Variants in CNTN4 observed in about 807,000 individuals in gnomAD.
CNTN4 encodes the protein contactin 4, also known as contactin-4.
A neutral mutation model predicts 122.5 loss-of-function variants in CNTN4; 77 were observed. The ratio of observed to expected loss-of-function variants is 0.63; its 90% CI spans 0.52 to 0.76. CNTN4 has a LOEUF of 0.76. Among genes scored for constraint, CNTN4 ranks in the 30% least tolerant of loss-of-function variants. The pLI, the probability that CNTN4 is intolerant of heterozygous loss-of-function variation, is 0.00. For synonymous variants in CNTN4, 512 were observed against 447.0 expected (o/e 1.15, Z -1.83); for missense variants, 1,256 against 1,259.1 (o/e 1.00, Z 0.04).
chr3:2,434,585 C>A (rs554426581), intron 3 of CNTN4, among the ~76,000 whole-genome samples: 1 of 152,122 alleles, frequency 6.6e-6, no homozygotes, highest in Non-Finnish European at 1.5e-5. Context: ...TTGTAATTTC[C>A]GGGGCTGGCA....
chr3:2,776,487 A>T (rs1455899724), intron 6 of CNTN4, among the ~76,000 whole-genome samples: 1 of 152,142 alleles, frequency 6.6e-6, no homozygotes, highest in Admixed American at 6.5e-5. Flanking sequence ...GAAAGTCAGT[A>T]ATTAAGAGGT....
chr3:2,813,889 T>A (rs2092670719), intron 6 of CNTN4, among the ~76,000 whole-genome samples: 1 of 152,194 alleles, frequency 6.6e-6, no homozygotes. Context: ...ATATTAAGAC[T>A]TTTTATTATT....
chr3:2,804,478 G>A (rs2092418638), intron 6 of CNTN4, among the ~76,000 whole-genome samples: 1 of 151,968 alleles, frequency 6.6e-6, no homozygotes, highest in African/African-American at 2.4e-5. Context: ...CCCACTTTAG[G>A]GATTGTTCAG....
intron 2 of CNTN4, among the ~76,000 whole-genome samples, chr3:2,298,200 TA>T (rs1359349050): frequency 2.0e-5 from 3 of 152,220 alleles, no homozygotes; most frequent in African/African-American, 7.2e-5. Flanking sequence ...ATTTTATGTT[TA>T]AAAATAATTA....
chr3:3,032,151 G>GA (rs1479336391), intron 16 of CNTN4, among the ~76,000 whole-genome samples: 9 of 152,130 alleles, frequency 5.9e-5, no homozygotes, highest in African/African-American at 1.9e-4. Flanking sequence ...CTGGAAATGA[G>GA]AAAAAACTTT....
chr3:2,889,240 G>A (rs6791159), intron 10 of CNTN4, among the ~76,000 whole-genome samples: 4 of 152,180 alleles, frequency 2.6e-5, no homozygotes, highest in Admixed American at 2.0e-4. Flanking sequence ...GCTTCTGAGG[G>A]GAGAGAACAC....
At chr3:2,255,497 A>G (rs183550520) in intron 2 of CNTN4, among the ~76,000 whole-genome samples, 2 of 152,264 alleles carry the variant, frequency 1.3e-5, no homozygotes, top group Admixed American at 1.3e-4. Context: ...TCTCAGCACC[A>G]CATCGCACTT....
intron 12 of CNTN4, among the ~76,000 whole-genome samples, chr3:2,922,149 G>C (rs536946894): frequency 6.6e-6 from 1 of 152,152 alleles, no homozygotes; most frequent in Admixed American, 6.5e-5. Context: ...AGACATAAGG[G>C]GCAATTTGAC....
At chr3:2,297,825 G>T (rs1040446814) in intron 2 of CNTN4, among the ~76,000 whole-genome samples, 1 of 152,072 alleles carries the variant, frequency 6.6e-6, no homozygotes, top group Admixed American at 6.5e-5. Context: ...CACCTCCTTG[G>T]GCTCAAGCAG....
chr3:2,351,273 C>T (rs536001458), intron 3 of CNTN4, among the ~76,000 whole-genome samples: 74 of 152,254 alleles, frequency 4.9e-4, no homozygotes, highest in African/African-American at 1.7e-3. Flanking sequence ...AAATGTACCC[C>T]AGATAACATC....
chr3:2,614,533 G>A (rs1244316561), intron 4 of CNTN4, among the ~76,000 whole-genome samples: 1 of 152,172 alleles, frequency 6.6e-6, no homozygotes, highest in African/African-American at 2.4e-5. Context: ...AACTGGTGTA[G>A]TGAAATGTAC....
chr3:2,514,791 C>G (rs2076993405), intron 3 of CNTN4, among the ~76,000 whole-genome samples: 1 of 152,168 alleles, frequency 6.6e-6, no homozygotes, highest in South Asian at 2.1e-4. Context: ...GAACGGCCTT[C>G]AAATTGCCTA....
intron 12 of CNTN4, among the ~76,000 whole-genome samples, chr3:2,919,369 A>C (rs2094404273): frequency 1.3e-5 from 2 of 150,836 alleles, no homozygotes; most frequent in Admixed American, 6.6e-5. Flanking sequence ...AAAAAAAAAA[A>C]AAAAAAAACC....
chr3:2,237,496 C>T (rs943364298), intron 2 of CNTN4, among the ~76,000 whole-genome samples: 5 of 151,774 alleles, frequency 3.3e-5, no homozygotes, highest in East Asian at 1.9e-4. Flanking sequence ...AAAGGAAAAG[C>T]GAAAAGGGAG....
At chr3:2,247,730 T>C (rs948087786) in intron 2 of CNTN4, among the ~76,000 whole-genome samples, 1 of 152,014 alleles carries the variant, frequency 6.6e-6, no homozygotes, top group African/African-American at 2.4e-5. Flanking sequence ...TACAGTGTCA[T>C]TATGAGTTAT....
At chr3:2,756,462 C>G (rs935516301) in intron 6 of CNTN4, among the ~76,000 whole-genome samples, 1 of 152,204 alleles carries the variant, frequency 6.6e-6, no homozygotes, top group African/African-American at 2.4e-5. Context: ...CTTGGACTTC[C>G]CAGCCTCCAG....
chr3:2,954,751 C>G (rs764278230), intron 13 of CNTN4, among the ~76,000 whole-genome samples: 6 of 151,936 alleles, frequency 3.9e-5, no homozygotes, highest in Non-Finnish European at 8.8e-5. Context: ...AACAGGTTAC[C>G]ACAATTCCAT....
At chr3:3,049,808 C>G (rs928835781) in intron 23 of CNTN4, among the ~76,000 whole-genome samples, 1 of 151,302 alleles carries the variant, frequency 6.6e-6, no homozygotes, top group Admixed American at 6.6e-5. Context: ...GACAATGTAG[C>G]AACATTGGAA....
chr3:2,781,878 C>CACT (rs1553638248), intron 6 of CNTN4, among the ~76,000 whole-genome samples: 10 of 127,088 alleles, frequency 7.9e-5, no homozygotes, highest in Non-Finnish European at 1.5e-4. Flanking sequence ...GCGCCCGCAC[C>CACT]ACGCCCGGCT....
Sources: allele counts gnomAD v4.1 joint callset (sites outside exome capture counted in the v4.1 genomes callset), GRCh38; gene constraint gnomAD v4.1.1; transcripts MANE v1.5; gene names NCBI Gene and HGNC (gene_info 2026-07-23, HGNC 2026-07-21).